DMD: variants seen among roughly 807,000 people sequenced by gnomAD.
DMD encodes mutant dystrophin.
DMD carries 63 observed loss-of-function variants against 330.1 expected under a neutral mutation model. The ratio of observed to expected loss-of-function variants is 0.19; its 90% CI spans 0.16 to 0.24. The LOEUF is 0.24. Among genes scored for constraint, DMD ranks in the 10% least tolerant of loss-of-function variants. The probability of loss-of-function intolerance (pLI) is 1.00; values close to 1 mark genes in which losing one functional copy is unlikely to be tolerated. For missense variants in DMD, 3,344 were observed against 2,684.1 expected, an observed-to-expected ratio of 1.25 and a Z score of -5.43; for synonymous variants, 1,223 against 959.8, an observed-to-expected ratio of 1.27 and a Z score of -5.07.
chrX:32,893,828 C>T (rs772264784), intron 2 of DMD, among the ~76,000 whole-genome samples: 9 of 111,547 alleles, frequency 8.1e-5, no homozygotes, highest in Non-Finnish European at 1.3e-4. Flanking sequence ...CATATCTAGC[C>T]TATGGTGGGA....
intron 29 of DMD, among the ~76,000 whole-genome samples, chrX:32,437,614 C>A (rs1047999759): frequency 1.2e-4 from 13 of 112,083 alleles, no homozygotes; most frequent in African/African-American, 3.9e-4. Flanking sequence ...AACCATAGAA[C>A]CATATCTCAC....
chrX:31,411,206 A>G (rs2061630714), intron 60 of DMD, among the ~76,000 whole-genome samples: 1 of 111,375 alleles, frequency 9.0e-6, no homozygotes, highest in Non-Finnish European at 1.9e-5. Context: ...ACATCCCTGT[A>G]GTAAAGAAAC....
In DMD at chrX:31,631,097, T is replaced by C. The variant is rs142922678; in HGVS notation, c.8028-3235A>G. On this transcript the variant is annotated intron_variant, in intron 54 of 78. Transcript: ENST00000357033. ...GCAACGTCTGAGAAGTTATTAGAAA[T>C]GCAAATTCCCAGGCCTCAGCCTAGC... Among the ~76,000 whole-genome samples, 931 of 111,412 alleles carry C rather than the reference T, an allele frequency of 8.4e-3. 15 individuals are homozygous for C. The highest frequency in any genetic ancestry group is 0.029 in the African/African-American group (875 of 30,692).
intron 13 of DMD, among the ~76,000 whole-genome samples, chrX:32,585,806 C>CT (rs1274252398): frequency 4.0e-5 from 4 of 100,515 alleles, no homozygotes; most frequent in African/African-American, 1.1e-4. Context: ...TCACTGTTAT[C>CT]TTTGAGTTTC....
At chrX:32,834,329 T>A (rs1214430969) in intron 4 of DMD, among the ~76,000 whole-genome samples, 2 of 111,864 alleles carry the variant, frequency 1.8e-5, no homozygotes, top group Non-Finnish European at 3.8e-5. Context: ...TTATGAGTAA[T>A]AAATAGAAGT....
chrX:31,956,383 T>C (rs1235234857), intron 45 of DMD, among the ~76,000 whole-genome samples: 1 of 112,029 alleles, frequency 8.9e-6, no homozygotes, highest in East Asian at 2.8e-4. Context: ...TTTGTTGCTA[T>C]GGATAACAAT....
intron 61 of DMD, among the ~76,000 whole-genome samples, chrX:31,341,891 G>GCGCGCGCGCGCGCACACACACACACA (rs374298104): frequency 6.3e-4 from 62 of 98,889 alleles, no homozygotes; most frequent in African/African-American, 1.7e-3. Flanking sequence ...GTGCGCGCGC[G>GCGCGCGCGCGCGCACACACACACACA]CACACACACA....
At chrX:32,024,368 C>A (rs759876754) in intron 44 of DMD, among the ~76,000 whole-genome samples, 2 of 108,373 alleles carry the variant, frequency 1.8e-5, no homozygotes, top group Non-Finnish European at 3.8e-5. Context: ...ACCTATTATC[C>A]CAGGTACTTC....
At chrX:32,754,794 G>A (rs960005584) in intron 7 of DMD, 2 of 111,409 alleles carry the variant, frequency 1.8e-5, no homozygotes, top group Non-Finnish European at 3.8e-5. Flanking sequence ...CAATATACAA[G>A]ACACATAACT....
chrX:32,811,614 T>A (rs7879707), intron 6 of DMD, among the ~76,000 whole-genome samples: 12,192 of 111,378 alleles, frequency 0.11, 1,533 homozygotes, highest in African/African-American at 0.37. Context: ...CACATGAAAC[T>A]TACATACCAT....
chrX:31,601,055 C>T (rs2077342032), intron 55 of DMD, among the ~76,000 whole-genome samples: 1 of 111,705 alleles, frequency 9.0e-6, no homozygotes, highest in Admixed American at 9.5e-5. Flanking sequence ...AACACAAATA[C>T]AATCATGAAA....
chrX:33,041,680 G>A, intron 1 of DMD: 9 of 1,209,283 alleles, frequency 7.4e-6, no homozygotes, highest in Non-Finnish European at 1.0e-5. Context: ...GGAATATAAA[G>A]AAGCACGTTT....
At chrX:31,229,518 T>G (rs1196214567) in intron 63 of DMD, among the ~76,000 whole-genome samples, 1 of 112,109 alleles carries the variant, frequency 8.9e-6, no homozygotes, top group Non-Finnish European at 1.9e-5. Flanking sequence ...GCTAAATGAT[T>G]ATTCCAACAG....
At chrX:31,457,798 A>G (rs760916709) in intron 59 of DMD, among the ~76,000 whole-genome samples, 1 of 111,695 alleles carries the variant, frequency 9.0e-6, no homozygotes, top group Non-Finnish European at 1.9e-5. Context: ...AACAAAATGG[A>G]TTTTTACTGA....
chrX:32,388,645 A>G (rs1390125533), intron 32 of DMD, among the ~76,000 whole-genome samples: 1 of 110,794 alleles, frequency 9.0e-6, no homozygotes, highest in Non-Finnish European at 1.9e-5. Flanking sequence ...TCTGTTTTTC[A>G]TTGATATTAT....
chrX:32,428,198 A>T (rs1342744670), intron 29 of DMD, among the ~76,000 whole-genome samples: 2 of 111,462 alleles, frequency 1.8e-5, no homozygotes, highest in African/African-American at 6.5e-5. Context: ...AATTAACAGG[A>T]ACCAATTAGT....
intron 44 of DMD, among the ~76,000 whole-genome samples, chrX:32,055,958 A>G (rs1411067635): frequency 9.0e-6 from 1 of 111,185 alleles, no homozygotes; most frequent in Non-Finnish European, 1.9e-5. Context: ...TCCATCTTGG[A>G]AATAAGAAAG....
chrX:33,147,868 A>G (rs60204138), intron 1 of DMD, among the ~76,000 whole-genome samples: 8,904 of 111,745 alleles, frequency 0.08, 383 homozygotes, highest in South Asian at 0.2. Context: ...TTCTTTAATA[A>G]AATCTAGCTC....
At chrX:32,729,273 A>G (rs1413035115) in intron 7 of DMD, among the ~76,000 whole-genome samples, 1 of 111,860 alleles carries the variant, frequency 8.9e-6, no homozygotes, top group Non-Finnish European at 1.9e-5. Context: ...CCAAAATCCA[A>G]AACACTTCTG....
Sources: allele counts gnomAD v4.1 joint callset (sites outside exome capture counted in the v4.1 genomes callset), GRCh38; gene constraint gnomAD v4.1.1; transcripts MANE v1.5; gene names NCBI Gene and HGNC (gene_info 2026-07-23, HGNC 2026-07-21).